The following LRGUK variants were observed in gnomAD, a reference collection of about 807,000 sequenced individuals.
LRGUK encodes leucine-rich repeat and guanylate kinase domain-containing protein.
LRGUK carries 65 observed loss-of-function variants against 76.0 expected under a neutral mutation model. That is an observed-to-expected ratio of 0.85 (90% CI 0.70 to 1.05). The LOEUF is 1.05. Among genes scored for constraint, LRGUK ranks in the 50% least tolerant of loss-of-function variants. The pLI, the probability that LRGUK is intolerant of heterozygous loss-of-function variation, is 0.00. For missense variants in LRGUK, 758 were observed against 732.8 expected (o/e 1.03, Z -0.40); for synonymous variants, 268 against 265.6 (o/e 1.01, Z -0.09).
intron 7 of LRGUK, among the ~76,000 whole-genome samples, chr7:134,169,953 G>A (rs2116962372): frequency 6.6e-6 from 1 of 152,090 alleles, no homozygotes; most frequent in South Asian, 2.1e-4. Context: ...ACTAATTAGT[G>A]TCCTACCAGC....
chr7:134,169,918 C>G (rs1799171010), intron 7 of LRGUK, among the ~76,000 whole-genome samples: 1 of 152,002 alleles, frequency 6.6e-6, no homozygotes, highest in African/African-American at 2.4e-5. Context: ...TTTTAAGACT[C>G]TTACTATATT....
At chr7:134,241,196 G>A (rs527894634) in intron 16 of LRGUK, among the ~76,000 whole-genome samples, 8 of 152,172 alleles carry the variant, frequency 5.3e-5, no homozygotes, top group East Asian at 1.9e-4. Context: ...AAATTCACAC[G>A]TAACAATATT....
chr7:134,180,404 G>A (rs1300464003), intron 10 of LRGUK, among the ~76,000 whole-genome samples: 3 of 151,966 alleles, frequency 2.0e-5, no homozygotes, highest in African/African-American at 7.3e-5. Context: ...AGACCTATCT[G>A]TGTCTATCTA....
intron 15 of LRGUK, among the ~76,000 whole-genome samples, chr7:134,215,886 A>G (rs946076830): frequency 3.9e-5 from 6 of 152,240 alleles, no homozygotes; most frequent in African/African-American, 1.4e-4. Context: ...TTGATGACAG[A>G]TAAATGGTGT....
chr7:134,158,155 G>C (rs1798565751), exon 6 of LRGUK: 2 of 1,611,596 alleles, frequency 1.2e-6, no homozygotes, highest in East Asian at 4.5e-5. Flanking sequence ...AAAATACTTT[G>C]TCTGGTGAGT....
intron 15 of LRGUK, among the ~76,000 whole-genome samples, chr7:134,204,634 C>G (rs1444715129): frequency 6.6e-6 from 1 of 152,182 alleles, no homozygotes; most frequent in Non-Finnish European, 1.5e-5. Context: ...GAGGAAGTTA[C>G]TTTTTCTACT....
chr7:134,167,509 C>A (rs549800403), intron 7 of LRGUK, among the ~76,000 whole-genome samples: 1 of 152,112 alleles, frequency 6.6e-6, no homozygotes, highest in Admixed American at 6.5e-5. Context: ...GAGTGCCGGC[C>A]GTTGAACAGG....
intron 16 of LRGUK, among the ~76,000 whole-genome samples, 157 bp downstream of exon 16, chr7:134,222,075 G>A (rs565848582): frequency 2.0e-5 from 3 of 152,202 alleles, no homozygotes; most frequent in Admixed American, 6.5e-5. Flanking sequence ...ACATCCCTGA[G>A]AATAGACACT....
intron 11 of LRGUK, among the ~76,000 whole-genome samples, chr7:134,186,425 C>A (rs1221509527): frequency 6.6e-6 from 1 of 152,212 alleles, no homozygotes; most frequent in Non-Finnish European, 1.5e-5. Flanking sequence ...GCATGTCAGC[C>A]TTGTTCACCA....
chr7:134,194,332 TAAAA>T (rs1004762698), intron 12 of LRGUK, among the ~76,000 whole-genome samples: 1 of 151,908 alleles, frequency 6.6e-6, no homozygotes, highest in African/African-American at 2.4e-5. Context: ...ACATAAACAA[TAAAA>T]AAAACTTACA....
intron 16 of LRGUK, among the ~76,000 whole-genome samples, chr7:134,234,591 A>G (rs368902224): frequency 1.3e-5 from 2 of 152,058 alleles, no homozygotes; most frequent in Non-Finnish European, 2.9e-5. Context: ...CTTGTGATAA[A>G]TTTGTTCTTC....
downstream of LRGUK, chr7:134,210,344 CGCCGA>C: frequency 2.5e-6 from 1 of 398,374 alleles, no homozygotes; most frequent in Non-Finnish European, 4.4e-6. Context: ...AGCCGCCCCA[CGCCGA>C]GCCATCACCT....
chr7:134,214,775 AACACACACAC>A (rs56096728), downstream of LRGUK, among the ~76,000 whole-genome samples: 1,762 of 146,848 alleles, frequency 0.012, 39 homozygotes, highest in African/African-American at 0.042. Context: ...ATTAAATTTA[AACACACACAC>A]ACACACACAC....
At chr7:134,231,064 G>T (rs1388978348) in intron 16 of LRGUK, among the ~76,000 whole-genome samples, 1 of 152,190 alleles carries the variant, frequency 6.6e-6, no homozygotes, top group Non-Finnish European at 1.5e-5. Context: ...GAGGGCTGTA[G>T]TTTGAAAAAT....
At position 134,209,919 on chromosome 7, in the gene LRGUK, C is replaced by T. The variant is rs1801178898; in HGVS notation, c.3056C>T (p.Pro1019Leu). The T allele has an allele frequency of 1.3e-5, 5 of 399,066 alleles. No homozygotes were observed. The South Asian group carries it at 6.4e-4, about 51-fold the overall frequency. The allele number at this position is 399,066 out of a possible 1,614,324, so 24.7% of individuals were successfully genotyped here. A position where few individuals can be genotyped will look rare whatever the true frequency, so the allele number is the denominator to read the frequency against. The change falls in exon 16 of 16, where the codon CCT (proline) becomes CTT (leucine). Residue 1019 changes from proline (P) to leucine (L), a missense_variant. Pro to Leu is a moderately conservative substitution (Grantham distance 98). Coordinates refer to ENST00000645682, the Ensembl canonical transcript of LRGUK. ...GTGAGGCTCCCTCGCATTCCTGCTC[C>T]TCTTCCGGAGCCAGGGCTGCCCCAG...
intron 10 of LRGUK, among the ~76,000 whole-genome samples, chr7:134,178,951 A>AAAAAAAAAAAAAACCG (rs1799622043): frequency 7.9e-6 from 1 of 126,104 alleles, no homozygotes; most frequent in African/African-American, 2.8e-5. Context: ...AAAAAAAACC[A>AAAAAAAAAAAAAACCG]GGACCAATTT....
chr7:134,175,231 G>C (rs908528556), intron 8 of LRGUK, among the ~76,000 whole-genome samples: 1 of 151,880 alleles, frequency 6.6e-6, no homozygotes, highest in Non-Finnish European at 1.5e-5. Flanking sequence ...GCTTTCTCCC[G>C]GTCTCCTCCC....
chr7:134,151,873 T>C (rs1274492924), intron 5 of LRGUK, among the ~76,000 whole-genome samples: 1 of 152,078 alleles, frequency 6.6e-6, no homozygotes, highest in African/African-American at 2.4e-5. Context: ...AGTAAACTAG[T>C]AATAGGGAAT....
intron 18 of LRGUK, among the ~76,000 whole-genome samples, chr7:134,255,959 T>G (rs945192580): frequency 1.3e-5 from 2 of 152,094 alleles, no homozygotes; most frequent in Non-Finnish European, 2.9e-5. Context: ...CACCATCTGG[T>G]CCTGGAGTCA....
Sources: allele counts gnomAD v4.1 joint callset (sites outside exome capture counted in the v4.1 genomes callset), GRCh38; gene constraint gnomAD v4.1.1; transcripts MANE v1.5; gene names NCBI Gene and HGNC (gene_info 2026-07-23, HGNC 2026-07-21).